Variants in NFASC observed in about 807,000 individuals in gnomAD.
NFASC encodes neurofascin homolog.
A neutral mutation model predicts 147.5 loss-of-function variants in NFASC; 43 were observed. The ratio of observed to expected loss-of-function variants is 0.29; its 90% confidence interval spans 0.23 to 0.38. NFASC has a LOEUF of 0.38. NFASC is among the 10% of genes least tolerant of loss of function. The pLI is 1.00. For missense variants in NFASC, 1,320 were observed against 1,689.0 expected (o/e 0.78, Z 3.83); for synonymous variants, 622 against 665.5 (o/e 0.93, Z 1.01).
chr1:204,860,345 A>G (rs757309880), intron 1 of NFASC, among the ~76,000 whole-genome samples: 1 of 152,184 alleles, frequency 6.6e-6, no homozygotes, highest in African/African-American at 2.4e-5. Flanking sequence ...GAAAGGCCTG[A>G]TAAGTTTTGG....
intron 2 of NFASC, among the ~76,000 whole-genome samples, chr1:204,924,944 G>A (rs2091215670): frequency 6.6e-6 from 1 of 152,140 alleles, no homozygotes; most frequent in Non-Finnish European, 1.5e-5. Context: ...GGTGCAATCT[G>A]GGCTCACTGC....
intron 1 of NFASC, among the ~76,000 whole-genome samples, chr1:204,841,438 G>C (rs1675320746): frequency 6.6e-6 from 1 of 152,316 alleles, no homozygotes. Flanking sequence ...AAGAGTCTGA[G>C]TATCACAGAG....
intron 24 of NFASC, among the ~76,000 whole-genome samples, chr1:204,993,347 G>A (rs2095781358): frequency 6.6e-6 from 1 of 152,224 alleles, no homozygotes. Flanking sequence ...ACCTTGGAAT[G>A]TAAGGAAGTG....
intron 1 of NFASC, among the ~76,000 whole-genome samples, chr1:204,864,931 G>T (rs2076992693): frequency 1.3e-5 from 2 of 152,166 alleles, no homozygotes; most frequent in African/African-American, 4.8e-5. Flanking sequence ...ATACATAAAA[G>T]ATTTACATTT....
At chr1:204,934,899 G>C (rs2092700820) in intron 2 of NFASC, among the ~76,000 whole-genome samples, 1 of 152,228 alleles carries the variant, frequency 6.6e-6, no homozygotes, top group South Asian at 2.1e-4. Context: ...GAGGAGGATA[G>C]TATGGGTGCT....
intron 1 of NFASC, among the ~76,000 whole-genome samples, chr1:204,848,479 G>A (rs1416623499): frequency 6.6e-6 from 1 of 152,160 alleles, no homozygotes; most frequent in East Asian, 1.9e-4. Flanking sequence ...TCCTGCCTTG[G>A]CTTCCCAAAG....
intron 1 of NFASC, among the ~76,000 whole-genome samples, chr1:204,840,128 TCAG>T (rs1313491818): frequency 1.3e-5 from 2 of 152,176 alleles, no homozygotes; most frequent in South Asian, 2.1e-4. Flanking sequence ...AGGTTCAGAA[TCAG>T]CAGGTCTGGA....
At chr1:204,842,497 A>G (rs1252870863) in intron 1 of NFASC, among the ~76,000 whole-genome samples, 2 of 151,850 alleles carry the variant, frequency 1.3e-5, no homozygotes, top group Non-Finnish European at 2.9e-5. Flanking sequence ...TCTTTGTCCC[A>G]TTTTTGAGTG....
chr1:204,845,672 C>T (rs1676809717), intron 1 of NFASC, among the ~76,000 whole-genome samples: 2 of 152,054 alleles, frequency 1.3e-5, no homozygotes, highest in Admixed American at 6.6e-5. Flanking sequence ...GAGGACCAGT[C>T]AGGAGGATCC....
At position 205,015,746 on chromosome 1, in the gene NFASC, AG is replaced by A. The variant is rs2096347625; in HGVS notation, c.3492-561del. 6.6e-6 allele frequency among the ~76,000 whole-genome samples: 1 copy of A among 152,094 alleles called. No individual in the cohort carries two copies. Among genetic ancestry groups the A allele is most frequent in the Non-Finnish European group, 1.5e-5 (1 of 68,022 alleles). On this transcript the variant is annotated intron_variant, in intron 29 of 29. Coordinates refer to ENST00000339876, the MANE Select transcript of NFASC (RefSeq NM_001005388.3). The surrounding 1 kb of genome is among the most constrained non-coding windows in gnomAD (Gnocchi z 4.0). ...ACATCTTTTTATAGATCAACCAGAT[AG>A]CTCAGCGAAAGACACCAAGACAGAC...
At chr1:204,876,114 T>A (rs2078736747) in intron 1 of NFASC, among the ~76,000 whole-genome samples, 1 of 152,198 alleles carries the variant, frequency 6.6e-6, no homozygotes, top group South Asian at 2.1e-4. Flanking sequence ...TGTTTGTTCA[T>A]TTTTGGTTTT....
chr1:204,896,745 A>G (rs1026355005), intron 1 of NFASC, among the ~76,000 whole-genome samples: 1 of 152,260 alleles, frequency 6.6e-6, no homozygotes, highest in Non-Finnish European at 1.5e-5. Context: ...TATAATCGGC[A>G]TATAAAAAAA....
chr1:204,858,132 C>T (rs2076333256), intron 1 of NFASC, among the ~76,000 whole-genome samples: 1 of 151,898 alleles, frequency 6.6e-6, no homozygotes, highest in Admixed American at 6.6e-5. Flanking sequence ...GCTGGCCAGG[C>T]TGGTTTTGAA....
intron 1 of NFASC, among the ~76,000 whole-genome samples, chr1:204,890,402 C>G (rs1255638366): frequency 2.0e-5 from 3 of 152,124 alleles, no homozygotes; most frequent in Admixed American, 6.6e-5. Flanking sequence ...GCAACCAACC[C>G]CATCCTTTTA....
intron 1 of NFASC, among the ~76,000 whole-genome samples, chr1:204,909,830 G>A (rs1290965122): frequency 2.0e-5 from 3 of 151,178 alleles, no homozygotes; most frequent in East Asian, 1.9e-4. Flanking sequence ...ATCATTTGTC[G>A]AAAAGACTGT....
At chr1:204,946,482 C>T (rs952299737) in intron 3 of NFASC, 1 of 414,578 alleles carries the variant, frequency 2.4e-6, no homozygotes, top group African/African-American at 2.0e-5. Context: ...CGGAGCATGC[C>T]CCACACACAT....
intron 20 of NFASC, among the ~76,000 whole-genome samples, chr1:204,980,680 G>A (rs1390460186): frequency 6.6e-6 from 1 of 152,186 alleles, no homozygotes; most frequent in Non-Finnish European, 1.5e-5. Flanking sequence ...GGGGACCAGG[G>A]TCCACCGACT....
At chr1:204,984,220 G>A (rs1465109635) in intron 21 of NFASC, 2 of 925,384 alleles carry the variant, frequency 2.2e-6, no homozygotes, top group Non-Finnish European at 3.5e-6. Flanking sequence ...CGGGCTATAA[G>A]ATATTTGAAA....
chr1:204,832,633 T>C (rs966757518), intron 1 of NFASC, among the ~76,000 whole-genome samples: 17 of 152,162 alleles, frequency 1.1e-4, no homozygotes, highest in Non-Finnish European at 1.9e-4. Context: ...GCCCCTCTTT[T>C]CCCCCACACA....
Sources: allele counts gnomAD v4.1 joint callset (sites outside exome capture counted in the v4.1 genomes callset), GRCh38; gene constraint gnomAD v4.1.1; non-coding constraint Gnocchi (gnomAD v3.1); transcripts MANE v1.5; gene names NCBI Gene and HGNC (gene_info 2026-07-23, HGNC 2026-07-21).